NOP9: variants seen among roughly 807,000 people sequenced by gnomAD.
NOP9 encodes the protein NOP9 nucleolar protein.
NOP9 carries 50 observed loss-of-function variants against 63.0 expected under a neutral mutation model. The observed-to-expected ratio is 0.79, with a 90% CI of 0.63 to 1.00. The LOEUF is 1.00. NOP9 is among the 50% of genes least tolerant of loss of function. The pLI is 0.00. For synonymous variants in NOP9, 343 were observed against 332.8 expected (o/e 1.03, Z -0.33); for missense variants, 758 against 803.0 (o/e 0.94, Z 0.68).
the NOP9 span, among the ~76,000 whole-genome samples, chr14:24,284,758 C>T: frequency 6.6e-6 from 1 of 152,104 alleles, no homozygotes; most frequent in Non-Finnish European, 1.5e-5. Context: ...AGGCCTTTGG[C>T]GGTCGTGGGT....
chr14:24,305,976 A>G lies in NOP9; in HGVS notation c.*881A>G. 1.2e-6 allele frequency: 2 copies of G among 1,614,108 alleles called. No homozygotes were observed. Among genetic ancestry groups the G allele is most frequent in the Non-Finnish European group, 8.5e-7 (1 of 1,179,994 alleles). On this transcript the variant is annotated 3_prime_UTR_variant, in exon 10 of 10. Transcript: ENST00000267425. Reference sequence around the variant, plus strand: ...GTACTTTCTTTGGGCCAAGTCCTTGAAAGTCACAACTCATAGAGTAGAGCC... The same window carrying G: ...GTACTTTCTTTGGGCCAAGTCCTTGGAAGTCACAACTCATAGAGTAGAGCC...
At chr14:24,279,322 T>C in the NOP9 span, among the ~76,000 whole-genome samples, 1 of 152,224 alleles carries the variant, frequency 6.6e-6, no homozygotes, top group South Asian at 2.1e-4. Context: ...GTTTGAATGC[T>C]TGCATTCTTT....
rs191663475 is a variant in NOP9, at chr14:24,303,593, C to T, written c.1285-139C>T. 1.5e-3 allele frequency: 1,198 copies of T among 822,728 alleles called. 2 individuals carry two copies. The highest frequency in any genetic ancestry group is 2.1e-3 in the Non-Finnish European group (1,023 of 495,898). 51.0% of individuals were successfully genotyped at this position (822,728 alleles called of 1,614,324 possible). Reference sequence around the variant, plus strand: ...TATGTGATAGAGGCTGGGGATACAGCAAGGCATGACATCTGCTTTCATGGA... The same window carrying T: ...TATGTGATAGAGGCTGGGGATACAGTAAGGCATGACATCTGCTTTCATGGA... On this transcript the variant is annotated intron_variant, in intron 6 of 9. Coordinates refer to ENST00000267425, the MANE Select transcript of NOP9 (RefSeq NM_174913.3).
chr14:24,292,096 C>T, the NOP9 span: 1 of 1,534,178 alleles, frequency 6.5e-7, no homozygotes, highest in Non-Finnish European at 9.0e-7. Flanking sequence ...CAGTAAGCAC[C>T]TGGTGAGTGG....
At chr14:24,295,909 G>C (rs2041240925), upstream of NOP9, among the ~76,000 whole-genome samples, 1 of 152,216 alleles carries the variant, frequency 6.6e-6, no homozygotes, top group Non-Finnish European at 1.5e-5. Context: ...GGCATGACTT[G>C]ATTATATGAG....
At chr14:24,294,389 A>C in the NOP9 span, 1 of 152,176 alleles carries the variant, frequency 6.6e-6, no homozygotes, top group Non-Finnish European at 1.5e-5. Context: ...GGAGTTCGAG[A>C]CCAGCCCAGC....
rs1594632299 is a variant in NOP9 at position 24,308,988 on chromosome 14, A to G, written c.*3893A>G. ...CCTGGCCCTGAACCAAATACCTTGA[A>G]CCCTCGTAAACTCCATACCCTGACC... is the stretch of plus-strand genomic sequence containing the variant. On this transcript the variant is annotated 3_prime_UTR_variant, in exon 10 of 10. Transcript: ENST00000267425. 1 of 152,162 alleles carries G rather than the reference A, an allele frequency of 6.6e-6. No individual in the cohort carries two copies. Among genetic ancestry groups the G allele is most frequent in the South Asian group, 2.1e-4 (1 of 4,832 alleles). 9.4% of individuals were successfully genotyped at this position (152,162 alleles called of 1,614,324 possible). A position where few individuals can be genotyped will look rare whatever the true frequency, so the allele number is the denominator to read the frequency against.
chr14:24,303,669 C>T, intron 6 of NOP9, 63 bp from the exon 7 acceptor site: 4 of 1,571,444 alleles, frequency 2.5e-6, no homozygotes, highest in Non-Finnish European at 3.5e-6. Context: ...AAGGTGTTCC[C>T]TTAAAGTTGA....
At chr14:24,292,883 C>A in the NOP9 span, 1 of 1,458,526 alleles carries the variant, frequency 6.9e-7, no homozygotes, top group South Asian at 1.4e-5. Flanking sequence ...TGGTTGTTGT[C>A]CACTAGGAAG....
chr14:24,305,671 C>A lies in NOP9; in HGVS notation c.*576C>A. On this transcript the variant is annotated 3_prime_UTR_variant, in exon 10 of 10. Transcript: ENST00000267425. ...AGGCGGCCCTTCTGCTGCCACTGCT[C>A]AGCCCCCTCCACTGCATGACGAAGG... 1 of 1,614,208 alleles carries A rather than the reference C, an allele frequency of 6.2e-7. No individual in the cohort carries two copies. The highest frequency in any genetic ancestry group is 8.5e-7 in the Non-Finnish European group (1 of 1,180,032).
chr14:24,306,906 CTT>C lies in NOP9; in HGVS notation c.*1815_*1816del, dbSNP rs1262864310. 2 of 295,262 alleles carry C rather than the reference CTT, an allele frequency of 6.8e-6. No homozygotes were observed. Among genetic ancestry groups the C allele is most frequent in the Non-Finnish European group, 1.3e-5 (2 of 153,998 alleles). 18.3% of individuals were successfully genotyped at this position (295,262 alleles called of 1,614,324 possible). On this transcript the variant is annotated 3_prime_UTR_variant, in exon 10 of 10. Transcript: ENST00000267425. ...AGTGTTTTCAGTAATAGTGTTTAACCTTTTTGAGTCCTTACTCTGTGCCAGGT... is the reference window on the plus strand; with the variant it reads ...AGTGTTTTCAGTAATAGTGTTTAACCTTTGAGTCCTTACTCTGTGCCAGGT...
At chr14:24,297,007 C>T, upstream of NOP9, 1 of 1,338,206 alleles carries the variant, frequency 7.5e-7, no homozygotes, top group Non-Finnish European at 1.0e-6. Context: ...GCTGCAGAGG[C>T]AACATGGCAG....
At chr14:24,301,538 C>T (rs2041376177) in intron 2 of NOP9, 74 bp from the exon 3 acceptor site, 1 of 1,590,498 alleles carries the variant, frequency 6.3e-7, no homozygotes, top group Admixed American at 1.7e-5. Context: ...AATCCTTGTT[C>T]ATCTGTGAAA....
chr14:24,304,306 C>T, intron 8 of NOP9, 29 bp downstream of exon 8: 1 of 1,564,372 alleles, frequency 6.4e-7, no homozygotes, highest in Non-Finnish European at 8.8e-7. Context: ...GCCTTGATTC[C>T]CCACCATCAT....
In NOP9 at chr14:24,301,618, A is replaced by G. The variant is rs756036876; in HGVS notation, c.704A>G (p.Gln235Arg). The change falls in exon 3 of 10, where the codon CAG (glutamine) becomes CGG (arginine). Residue 235 changes from glutamine (Q) to arginine (R), a missense_variant. Gln to Arg is a conservative substitution (Grantham distance 43). Coordinates refer to ENST00000267425, the MANE Select transcript of NOP9 (RefSeq NM_174913.3). ...GTTCTTAATCTTCCTTCAGAAGCACAGAAGACCCCAGCTCAGGAATGTAAG... is the reference window on the plus strand; with the variant it reads ...GTTCTTAATCTTCCTTCAGAAGCACGGAAGACCCCAGCTCAGGAATGTAAG... Reference protein sequence around the residue: ...RPRGSQSSEAQKTPAQECKPA... With the variant: ...RPRGSQSSEARKTPAQECKPA... 2.5e-6 allele frequency: 4 copies of G among 1,614,188 alleles called. No individual in the cohort carries two copies. Among genetic ancestry groups the G allele is most frequent in the Middle Eastern group, 1.6e-4 (1 of 6,062 alleles).
At chr14:24,295,830 A>G (rs2041239774), upstream of NOP9, among the ~76,000 whole-genome samples, 2 of 152,208 alleles carry the variant, frequency 1.3e-5, no homozygotes, top group Admixed American at 6.5e-5. Flanking sequence ...GGGTGTTCTT[A>G]CATGCTTTAG....
the NOP9 span, chr14:24,292,003 G>A: frequency 1.9e-5 from 15 of 779,624 alleles, no homozygotes; most frequent in African/African-American, 2.6e-4. Context: ...TTTCAGTTTT[G>A]CCATCTGTAG....
upstream of NOP9, chr14:24,296,502 C>T (rs774597422): frequency 1.2e-6 from 2 of 1,614,058 alleles, no homozygotes; most frequent in East Asian, 2.2e-5. Context: ...GGCAGTGGAG[C>T]ACCCACCTGA....
At chr14:24,277,195 G>T in the NOP9 span, among the ~76,000 whole-genome samples, 1 of 152,196 alleles carries the variant, frequency 6.6e-6, no homozygotes, top group Admixed American at 6.5e-5. Flanking sequence ...AGAATTTGTG[G>T]TGTCCACAGA....
Sources: allele counts gnomAD v4.1 joint callset (sites outside exome capture counted in the v4.1 genomes callset), GRCh38; gene constraint gnomAD v4.1.1; transcripts MANE v1.5; gene names NCBI Gene and HGNC (gene_info 2026-07-23, HGNC 2026-07-21).